ANK2: variants seen among roughly 807,000 people sequenced by gnomAD.
ANK2 encodes ankyrin 2.
Under a neutral mutation model 360.5 loss-of-function variants are expected in ANK2, and 83 were observed. The observed-to-expected ratio is 0.23, with a 90% CI of 0.19 to 0.28. ANK2 has a LOEUF of 0.28. Ranked by LOEUF, ANK2 falls within the 10% of genes least tolerant of loss-of-function variation. The pLI is 1.00. For missense variants in ANK2, 4,201 were observed against 4,795.7 expected, an observed-to-expected ratio of 0.88 and a Z score of 3.66; for synonymous variants, 1,740 against 1,759.5, an observed-to-expected ratio of 0.99 and a Z score of 0.28.
intron 2 of ANK2, among the ~76,000 whole-genome samples, chr4:112,994,470 A>G (rs1247699161): frequency 6.6e-6 from 1 of 152,354 alleles, no homozygotes; most frequent in East Asian, 1.9e-4. Flanking sequence ...TCATAGGAGA[A>G]TAAGCTAAAA....
chr4:112,715,222 G>C, the ANK2 span, among the ~76,000 whole-genome samples: 1 of 147,152 alleles, frequency 6.8e-6, no homozygotes, highest in Non-Finnish European at 1.5e-5. Context: ...GGTTCCAACA[G>C]TAAAAGTCCC....
At chr4:112,993,481 T>C (rs745956454) in intron 2 of ANK2, among the ~76,000 whole-genome samples, 1 of 151,200 alleles carries the variant, frequency 6.6e-6, no homozygotes, top group Non-Finnish European at 1.5e-5. Context: ...TTTTTTTTTG[T>C]ATTTTTGGTA....
At chr4:112,706,505 G>T in the ANK2 span, among the ~76,000 whole-genome samples, 4 of 151,736 alleles carry the variant, frequency 2.6e-5, no homozygotes, top group East Asian at 7.8e-4. Context: ...CACGCACCCC[G>T]CAAACTCATC....
intron 1 of ANK2, among the ~76,000 whole-genome samples, chr4:113,058,027 C>CCCCT (rs1483757389): frequency 6.6e-6 from 1 of 152,090 alleles, no homozygotes; most frequent in African/African-American, 2.4e-5. Context: ...TTGAGACTTT[C>CCCCT]CCCTCCTTTC....
intron 2 of ANK2, among the ~76,000 whole-genome samples, chr4:113,015,244 A>T (rs2154294493): frequency 6.6e-6 from 1 of 152,332 alleles, no homozygotes; most frequent in African/African-American, 2.4e-5. Flanking sequence ...ACTTTGGGTA[A>T]GTCCCTAATC....
chr4:113,030,826 A>G (rs2060246912), intron 2 of ANK2, among the ~76,000 whole-genome samples: 1 of 152,126 alleles, frequency 6.6e-6, no homozygotes, highest in Non-Finnish European at 1.5e-5. Context: ...GGTTTAAAAC[A>G]TTTCAAAAGA....
In ANK2 at chr4:113,328,336, T is replaced by G. The variant is rs149793925; in HGVS notation, c.2901-1910T>G. Reference sequence around the variant, plus strand: ...ATTGCAATGAATTTGGAAGTAGCACTAGTTGAAACTTGTCACTTTTTGCTA... The same window carrying G: ...ATTGCAATGAATTTGGAAGTAGCACGAGTTGAAACTTGTCACTTTTTGCTA... On this transcript the variant is annotated intron_variant, in intron 26 of 45. Coordinates refer to ENST00000357077, the MANE Select transcript of ANK2 (RefSeq NM_001148.6). 6.6e-5 allele frequency among the ~76,000 whole-genome samples: 10 copies of G among 152,280 alleles called. No individual in the cohort carries two copies. The East Asian group carries it at 1.9e-3, about 29-fold the overall frequency.
chr4:113,358,874 A>G lies in ANK2; in HGVS notation c.10256A>G (p.Glu3419Gly). The change falls in exon 38 of 46, where the codon GAG (glutamate) becomes GGG (glycine). Residue 3419 changes from glutamate to glycine, a missense_variant. This residue lies in a region of ANK2 where 2,642 missense variants were observed against 2,714.5 expected (regional missense o/e 0.97). Coordinates refer to ENST00000357077, the MANE Select transcript of ANK2 (RefSeq NM_001148.6). Reference protein sequence around the residue: ...SYTETETESRERAEELELESE... With the variant: ...SYTETETESRGRAEELELESE... The stretch of plus-strand genomic sequence containing the variant: ...ACTGAGACAGAAACAGAGAGCAGAG[A>G]GAGGGCCGAGGAACTTGAGTTAGAA... 6.2e-7 allele frequency: 1 copy of G among 1,614,100 alleles called. No individual in the cohort carries two copies. The highest frequency in any genetic ancestry group is 8.5e-7 in the Non-Finnish European group (1 of 1,179,976).
chr4:113,264,933 G>A lies in ANK2; in HGVS notation c.1423G>A (p.Gly475Arg), dbSNP rs36210415. The A allele has an allele frequency of 2.5e-5, 40 of 1,568,656 alleles. No homozygotes were observed. Among genetic ancestry groups the A allele is most frequent in the African/African-American group, 4.0e-5 (3 of 74,138 alleles). ...GGCACTACACATGGCAGCCCGAGCC[G>A]GGCAGGTGGAAGTGGTCCGATGCCT... ...ETALHMAARA[G>R]QVEVVRCLLR... Residue 475 changes from glycine to arginine, a missense_variant, in exon 14 of 46, where the codon GGG becomes AGG. Transcript: ENST00000357077.
At chr4:113,187,721 A>G (rs1313633573) in intron 2 of ANK2, among the ~76,000 whole-genome samples, 1 of 152,214 alleles carries the variant, frequency 6.6e-6, no homozygotes, top group African/African-American at 2.4e-5. Flanking sequence ...ATAAACTAGA[A>G]TTTAAGCTTC....
At position 113,187,555 on chromosome 4, in the gene ANK2, G is replaced by A. The variant is rs142702777; in HGVS notation, c.187-8813G>A. 2.7e-3 allele frequency among the ~76,000 whole-genome samples: 417 copies of A among 152,244 alleles called. 2 individuals carry two copies. Among genetic ancestry groups the A allele is most frequent in the Middle Eastern group, 0.027 (8 of 294 alleles). ...ATATGCAGACAGGAAAGCAAGTCCC[G>A]CAAACTGGGAACTTGGAACTTTAGC... On this transcript the variant is annotated intron_variant, in intron 2 of 45. Coordinates refer to ENST00000357077, the MANE Select transcript of ANK2 (RefSeq NM_001148.6).
intron 2 of ANK2, among the ~76,000 whole-genome samples, chr4:112,967,291 A>G (rs2037655955): frequency 1.3e-5 from 2 of 152,350 alleles, no homozygotes; most frequent in African/African-American, 2.4e-5. Flanking sequence ...CCAAAAGTCA[A>G]GATTAAACTA....
chr4:113,360,700 T>C, intron 38 of ANK2, 123 bp from the exon 39 acceptor site: 1 of 804,088 alleles, frequency 1.2e-6, no homozygotes, highest in African/African-American at 1.7e-5. Flanking sequence ...ATCTGAAATG[T>C]AGTATCTAGT....
chr4:113,318,734 T>G, intron 26 of ANK2, 114 bp downstream of exon 26: 1 of 863,552 alleles, frequency 1.2e-6, no homozygotes, highest in South Asian at 1.4e-5. Context: ...GGAGGTGCCC[T>G]TTGTTTAAAC....
At chr4:112,735,177 G>C in the ANK2 span, among the ~76,000 whole-genome samples, 3 of 152,048 alleles carry the variant, frequency 2.0e-5, no homozygotes, top group Non-Finnish European at 4.4e-5. Context: ...TTGAGCCCAG[G>C]AGTTTGAGTC....
chr4:113,151,180 G>A, intron 1 of ANK2: 1 of 1,238,764 alleles, frequency 8.1e-7, no homozygotes, highest in South Asian at 1.3e-5. Context: ...TAACTAAGAA[G>A]TTTTAATTAT....
intron 13 of ANK2, among the ~76,000 whole-genome samples, chr4:113,264,051 G>T (rs2054545262): frequency 6.6e-6 from 1 of 152,158 alleles, no homozygotes; most frequent in Non-Finnish European, 1.5e-5. Context: ...TACCTCAACA[G>T]ATGACACTGC....
intron 1 of ANK2, chr4:112,880,662 A>C (rs1279970886): frequency 4.6e-5 from 7 of 152,218 alleles, no homozygotes. Flanking sequence ...AAAAAAACCC[A>C]AACTTGCTCC....
chr4:113,207,970 C>T (rs2098974264), intron 4 of ANK2, among the ~76,000 whole-genome samples: 1 of 152,150 alleles, frequency 6.6e-6, no homozygotes, highest in African/African-American at 2.4e-5. Context: ...TACAATCATA[C>T]ATGCAAGAAC....
Sources: gnomAD v4.1 joint callset for allele counts (sites outside exome capture counted in the v4.1 genomes callset) on GRCh38, gnomAD v4.1.1 for gene constraint, gnomAD v4.1.1 regional missense constraint, MANE v1.5 for transcripts, NCBI Gene and HGNC (gene_info 2026-07-23, HGNC 2026-07-21) for gene names.